Variants in SPAG16 observed in about 807,000 individuals in gnomAD.
SPAG16 encodes the protein sperm associated antigen 16.
In SPAG16, 86 loss-of-function variants were observed where a neutral mutation model predicts 80.4. That is an observed-to-expected ratio of 1.07 (90% CI 0.90 to 1.28). The LOEUF (loss-of-function observed/expected upper bound fraction) is 1.28. Among genes scored for constraint, SPAG16 ranks in the 50% most tolerant of loss-of-function variants. SPAG16 has a pLI of 0.00. For synonymous variants in SPAG16, 294 were observed against 265.9 expected (o/e 1.11, Z -1.03); for missense variants, 870 against 765.3 (o/e 1.14, Z -1.61).
chr2:213,729,710 C>T (rs1336397420), intron 10 of SPAG16, among the ~76,000 whole-genome samples: 1 of 152,158 alleles, frequency 6.6e-6, no homozygotes. Context: ...TGCTGATGTT[C>T]CCTATTTATT....
chr2:213,830,579 C>T (rs541314345), intron 10 of SPAG16, among the ~76,000 whole-genome samples: 1 of 152,212 alleles, frequency 6.6e-6, no homozygotes, highest in Admixed American at 6.5e-5. Context: ...CTTGCTCTGC[C>T]TTTCTCCAGT....
intron 10 of SPAG16, among the ~76,000 whole-genome samples, chr2:213,714,894 A>AC (rs967619143): frequency 3.3e-5 from 5 of 152,114 alleles, no homozygotes; most frequent in Non-Finnish European, 7.4e-5. Context: ...CGGGAACCCA[A>AC]CCCCCACTAA....
At chr2:213,917,736 T>G (rs2078035450) in intron 11 of SPAG16, among the ~76,000 whole-genome samples, 1 of 152,210 alleles carries the variant, frequency 6.6e-6, no homozygotes, top group Non-Finnish European at 1.5e-5. Flanking sequence ...ATAGTTTGAC[T>G]TCCTCTCTTC....
chr2:214,271,650 G>A (rs10201885), intron 15 of SPAG16, among the ~76,000 whole-genome samples: 141,470 of 152,072 alleles, frequency 0.93, 66,419 homozygotes, highest in Non-Finnish European at 1. Flanking sequence ...AAATACAAAA[G>A]TTAGCTGGGC....
intron 6 of SPAG16, among the ~76,000 whole-genome samples, chr2:213,340,668 C>G (rs1463551747): frequency 1.3e-5 from 2 of 152,094 alleles, no homozygotes; most frequent in Non-Finnish European, 2.9e-5. Context: ...CATGAAAAAA[C>G]ATGTTACGTT....
At chr2:214,014,755 A>G (rs2047499187) in intron 13 of SPAG16, among the ~76,000 whole-genome samples, 1 of 152,236 alleles carries the variant, frequency 6.6e-6, no homozygotes. Context: ...ATTTGATTAA[A>G]GTCTTAAACT....
chr2:214,410,388 A>G lies in SPAG16; in HGVS notation c.*73A>G. Reference sequence around the variant, plus strand: ...ATGCCTCCTGTAGTCCCAAACCAGCAAAGAACTGGTTAAATGTGCCAGCAG... The same window carrying G: ...ATGCCTCCTGTAGTCCCAAACCAGCGAAGAACTGGTTAAATGTGCCAGCAG... On this transcript the variant is annotated 3_prime_UTR_variant, in exon 16 of 16. Transcript: ENST00000331683. 1 of 1,399,790 alleles carries G rather than the reference A, an allele frequency of 7.1e-7. No individual in the cohort carries two copies. Among genetic ancestry groups the G allele is most frequent in the South Asian group, 1.4e-5 (1 of 72,232 alleles). 86.7% of individuals were successfully genotyped at this position (1,399,790 alleles called of 1,614,324 possible). A position where few individuals can be genotyped will look rare whatever the true frequency, so the allele number is the denominator to read the frequency against.
intron 10 of SPAG16, among the ~76,000 whole-genome samples, chr2:213,557,229 C>T (rs1219641641): frequency 6.6e-6 from 1 of 152,082 alleles, no homozygotes; most frequent in East Asian, 1.9e-4. Flanking sequence ...TTACCTATCA[C>T]CTTTTTAAAT....
At position 214,390,389 on chromosome 2, in the gene SPAG16, A is replaced by G. The variant is rs1156557466; in HGVS notation, c.1721-19751A>G. 6.6e-4 allele frequency among the ~76,000 whole-genome samples: 98 copies of G among 148,910 alleles called. 3 individuals carry two copies. The highest frequency in any genetic ancestry group is 1.0e-4 in the Non-Finnish European group (7 of 67,538). On this transcript the variant is annotated intron_variant, in intron 15 of 15. Coordinates refer to ENST00000331683, the MANE Select transcript of SPAG16 (RefSeq NM_024532.5). ...TTTTCACTCATGGGCTTTAATACCCATGTAATTATAATGATTTCAAATTCT... is the reference window on the plus strand; with the variant it reads ...TTTTCACTCATGGGCTTTAATACCCGTGTAATTATAATGATTTCAAATTCT...
chr2:214,109,500 ATC>A (rs746403857), intron 14 of SPAG16, among the ~76,000 whole-genome samples: 63 of 152,320 alleles, frequency 4.1e-4, no homozygotes, highest in Non-Finnish European at 6.9e-4. Flanking sequence ...GATTACTTAC[ATC>A]TAACATCACA....
At chr2:213,370,839 T>C (rs2066589972) in intron 8 of SPAG16, among the ~76,000 whole-genome samples, 1 of 152,226 alleles carries the variant, frequency 6.6e-6, no homozygotes, top group African/African-American at 2.4e-5. Context: ...TTGTATTTGA[T>C]CTGTGATATT....
At chr2:214,150,121 A>T (rs558875221) in intron 15 of SPAG16, among the ~76,000 whole-genome samples, 2 of 152,248 alleles carry the variant, frequency 1.3e-5, no homozygotes, top group East Asian at 3.9e-4. Context: ...GAAGAAGTAA[A>T]GAACAAATAA....
intron 10 of SPAG16, among the ~76,000 whole-genome samples, chr2:213,626,226 G>C (rs2061955950): frequency 6.6e-6 from 1 of 152,064 alleles, no homozygotes; most frequent in African/African-American, 2.4e-5. Flanking sequence ...TCATGATAAG[G>C]AATCATATTA....
At chr2:214,040,033 G>A (rs2048923267) in intron 13 of SPAG16, among the ~76,000 whole-genome samples, 1 of 152,128 alleles carries the variant, frequency 6.6e-6, no homozygotes, top group African/African-American at 2.4e-5. Flanking sequence ...AGTGGGCCCA[G>A]GTGGAGCCAA....
At chr2:213,943,894 A>G (rs1272915792) in intron 12 of SPAG16, among the ~76,000 whole-genome samples, 1 of 152,240 alleles carries the variant, frequency 6.6e-6, no homozygotes, top group Non-Finnish European at 1.5e-5. Flanking sequence ...AATACACCAC[A>G]GAAATACTGG....
intron 10 of SPAG16, among the ~76,000 whole-genome samples, chr2:213,624,097 C>G (rs2125061387): frequency 6.6e-6 from 1 of 152,106 alleles, no homozygotes; most frequent in East Asian, 1.9e-4. Context: ...TAATTCCTGA[C>G]AACCTGGTAG....
chr2:214,394,782 G>A (rs756292859), intron 15 of SPAG16, among the ~76,000 whole-genome samples: 4 of 152,078 alleles, frequency 2.6e-5, no homozygotes, highest in Admixed American at 1.3e-4. Context: ...TTGGACAAAC[G>A]TATAATGACG....
rs568342038 is a variant in SPAG16 at position 213,709,618 on chromosome 2, T to C, written c.1071-152867T>C. On this transcript the variant is annotated intron_variant, in intron 10 of 15. Coordinates refer to ENST00000331683, the MANE Select transcript of SPAG16 (RefSeq NM_024532.5). ...GGAAAAAATAAACACTATCAAAAGC[T>C]ATGTTGTGGACCTTACTCTGTTTTT... is the stretch of plus-strand genomic sequence containing the variant. Among the ~76,000 whole-genome samples the C allele has an allele frequency of 4.6e-5, 7 of 152,266 alleles. No individual in the cohort carries two copies. In the South Asian group the frequency reaches 1.4e-3, roughly 32 times the overall value.
intron 15 of SPAG16, among the ~76,000 whole-genome samples, chr2:214,275,854 T>G (rs1335927074): frequency 6.6e-6 from 1 of 152,144 alleles, no homozygotes; most frequent in Non-Finnish European, 1.5e-5. Flanking sequence ...TCTTTGTTAA[T>G]CTTCTGTCTC....
Sources: allele counts gnomAD v4.1 joint callset (sites outside exome capture counted in the v4.1 genomes callset), GRCh38; gene constraint gnomAD v4.1.1; transcripts MANE v1.5; gene names NCBI Gene and HGNC (gene_info 2026-07-23, HGNC 2026-07-21).